Variants in MAF observed in about 807,000 individuals in gnomAD.
The protein encoded by MAF is MAF bZIP transcription factor.
Under a neutral mutation model 22.0 loss-of-function variants are expected in MAF, and 10 were observed. The ratio of observed to expected loss-of-function variants is 0.45; its 90% CI spans 0.28 to 0.77. The LOEUF is 0.77. Among genes scored for constraint, MAF ranks in the 30% least tolerant of loss-of-function variants. The pLI, the probability that MAF is intolerant of heterozygous loss-of-function variation, is 0.12. For missense variants in MAF, 544 were observed against 548.4 expected (o/e 0.99, Z 0.08); for synonymous variants, 337 against 255.8 (o/e 1.32, Z -3.03).
At chr16:79,445,652 G>C in the MAF span, among the ~76,000 whole-genome samples, 5 of 152,324 alleles carry the variant, frequency 3.3e-5, no homozygotes, top group African/African-American at 1.2e-4. Context: ...TGGAGTCAGG[G>C]AAGGATGAAG....
At chr16:79,597,065 G>C (rs1224481753) in intron 1 of MAF, 6 of 1,057,262 alleles carry the variant, frequency 5.7e-6, no homozygotes, top group African/African-American at 1.7e-5. Context: ...GTATAGCAAA[G>C]ACTACACATA....
chr16:79,591,579 A>T (rs548953839), downstream of MAF, among the ~76,000 whole-genome samples: 41 of 152,224 alleles, frequency 2.7e-4, no homozygotes, highest in South Asian at 8.3e-4. Flanking sequence ...GGAACTGTGC[A>T]TTCCAGTCAT....
the MAF span, among the ~76,000 whole-genome samples, chr16:79,247,592 G>T: frequency 3.9e-5 from 6 of 152,224 alleles, no homozygotes; most frequent in Non-Finnish European, 8.8e-5. Context: ...CATTTCCTGA[G>T]GCACCTCTTC....
At chr16:79,562,676 C>G in the MAF span, among the ~76,000 whole-genome samples, 1 of 152,168 alleles carries the variant, frequency 6.6e-6, no homozygotes, top group Non-Finnish European at 1.5e-5. Context: ...TCTCTCTAAT[C>G]CTCATTCTTA....
chr16:79,241,285 A>T, the MAF span, among the ~76,000 whole-genome samples: 2 of 152,114 alleles, frequency 1.3e-5, no homozygotes, highest in African/African-American at 4.8e-5. Flanking sequence ...AAGGAAGCTA[A>T]GAATCTTGAA....
the MAF span, among the ~76,000 whole-genome samples, chr16:79,228,266 G>T: frequency 6.6e-6 from 1 of 151,996 alleles, no homozygotes; most frequent in Non-Finnish European, 1.5e-5. Context: ...TGAAGGGAAA[G>T]AATGAAAAAT....
chr16:79,257,827 C>T, the MAF span, among the ~76,000 whole-genome samples: 12 of 152,116 alleles, frequency 7.9e-5, no homozygotes, highest in South Asian at 6.2e-4. Context: ...AAACTGGAGA[C>T]GAGAAAGCCA....
At chr16:79,332,554 T>G in the MAF span, among the ~76,000 whole-genome samples, 1 of 152,222 alleles carries the variant, frequency 6.6e-6, no homozygotes. Flanking sequence ...CCACCTTGGC[T>G]TCCCAAAGTA....
the MAF span, among the ~76,000 whole-genome samples, chr16:79,424,639 A>G: frequency 6.6e-6 from 1 of 152,130 alleles, no homozygotes; most frequent in Non-Finnish European, 1.5e-5. Context: ...CACTGTGTTT[A>G]CTGCAATTGC....
the MAF span, among the ~76,000 whole-genome samples, chr16:79,576,197 A>G: frequency 6.1e-4 from 87 of 141,566 alleles, no homozygotes; most frequent in African/African-American, 2.2e-3. Context: ...TAATGGTTTC[A>G]TGGGGAGAGA....
the MAF span, among the ~76,000 whole-genome samples, chr16:79,508,380 C>G: frequency 6.6e-6 from 1 of 152,174 alleles, no homozygotes; most frequent in Non-Finnish European, 1.5e-5. Context: ...TCTGTGGGGT[C>G]TCCACTGAAC....
chr16:79,439,066 GGC>G, the MAF span, among the ~76,000 whole-genome samples: 1 of 152,004 alleles, frequency 6.6e-6, no homozygotes, highest in Non-Finnish European at 1.5e-5. Flanking sequence ...AGCTCCAAGA[GGC>G]AGAGGCAGGG....
the MAF span, among the ~76,000 whole-genome samples, chr16:79,526,722 T>C: frequency 0.011 from 1,607 of 152,288 alleles, 13 homozygotes; most frequent in Middle Eastern, 0.034. Context: ...TCCGTAGCAT[T>C]TGTTCATTTC....
chr16:79,445,026 T>G, the MAF span, among the ~76,000 whole-genome samples: 1 of 151,962 alleles, frequency 6.6e-6, no homozygotes, highest in Non-Finnish European at 1.5e-5. Context: ...CATAAAGATT[T>G]ATTTATTTAT....
At chr16:79,556,831 C>G in the MAF span, among the ~76,000 whole-genome samples, 2 of 152,110 alleles carry the variant, frequency 1.3e-5, no homozygotes, top group Non-Finnish European at 2.9e-5. Flanking sequence ...TAGTAATAAC[C>G]ACACCATAGA....
At chr16:79,291,528 C>T in the MAF span, among the ~76,000 whole-genome samples, 1 of 151,610 alleles carries the variant, frequency 6.6e-6, no homozygotes, top group Non-Finnish European at 1.5e-5. Context: ...TTTAGCACTC[C>T]TAAGACCTTT....
At chr16:79,223,667 A>G in the MAF span, among the ~76,000 whole-genome samples, 1 of 152,230 alleles carries the variant, frequency 6.6e-6, no homozygotes. Flanking sequence ...ATAAAAAATG[A>G]TAAAGGGGAT....
At chr16:79,429,248 C>T in the MAF span, among the ~76,000 whole-genome samples, 5 of 152,126 alleles carry the variant, frequency 3.3e-5, no homozygotes, top group African/African-American at 1.2e-4. Flanking sequence ...CGTATTATTC[C>T]GTAATGAGCC....
At chr16:79,259,810 G>A in the MAF span, among the ~76,000 whole-genome samples, 1 of 152,174 alleles carries the variant, frequency 6.6e-6, no homozygotes, top group Non-Finnish European at 1.5e-5. Flanking sequence ...CAGCAGGAAT[G>A]GCCCAATGTA....
Sources: allele counts gnomAD v4.1 joint callset (sites outside exome capture counted in the v4.1 genomes callset), GRCh38; gene constraint gnomAD v4.1.1; transcripts MANE v1.5; gene names NCBI Gene and HGNC (gene_info 2026-07-23, HGNC 2026-07-21).